The following BMPR1B variants were observed in gnomAD, a reference collection of about 807,000 sequenced individuals.
BMPR1B encodes the protein bone morphogenetic protein receptor type-1B.
BMPR1B carries 12 observed loss-of-function variants against 59.1 expected under a neutral mutation model. The observed-to-expected ratio is 0.20, with a 90% CI of 0.13 to 0.33. The LOEUF is 0.33. Ranked by LOEUF, BMPR1B falls within the 10% of genes least tolerant of loss-of-function variation. The pLI is 1.00. For missense variants in BMPR1B, 550 were observed against 610.9 expected (o/e 0.90, Z 1.05); for synonymous variants, 237 against 207.3 (o/e 1.14, Z -1.23).
intron 8 of BMPR1B, among the ~76,000 whole-genome samples, chr4:95,127,582 T>C (rs1732997645): frequency 2.6e-5 from 4 of 152,118 alleles, no homozygotes; most frequent in Admixed American, 2.6e-4. Flanking sequence ...ATGTGGGAAG[T>C]TTCCTCTCAA....
At chr4:94,798,962 T>C (rs973193040) in intron 1 of BMPR1B, among the ~76,000 whole-genome samples, 7 of 151,894 alleles carry the variant, frequency 4.6e-5, no homozygotes, top group African/African-American at 1.7e-4. Flanking sequence ...CTCAGCAAGA[T>C]ACTTGGCTAA....
chr4:95,154,859 A>C lies in BMPR1B; in HGVS notation c.*186A>C. The stretch of plus-strand genomic sequence containing the variant: ...AAGACAGAGAAGCTCCCAGAAGGAG[A>C]GATTGATCCATGTCTGTTTGTAGGA... On this transcript the variant is annotated 3_prime_UTR_variant, in exon 13 of 13. Coordinates refer to ENST00000515059, the MANE Select transcript of BMPR1B (RefSeq NM_001203.3). 2 of 752,228 alleles carry C rather than the reference A, an allele frequency of 2.7e-6. No homozygotes were observed. Among genetic ancestry groups the C allele is most frequent in the Non-Finnish European group, 4.3e-6 (2 of 464,838 alleles). The allele number at this position is 752,228 out of a possible 1,614,324, so 46.6% of individuals were successfully genotyped here. A position where few individuals can be genotyped will look rare whatever the true frequency, so the allele number is the denominator to read the frequency against.
chr4:94,815,721 C>A (rs1723986174), intron 1 of BMPR1B, among the ~76,000 whole-genome samples: 1 of 152,154 alleles, frequency 6.6e-6, no homozygotes, highest in Admixed American at 6.5e-5. Flanking sequence ...TCCTGATCTG[C>A]AAAGTGTGAT....
chr4:94,888,740 C>G (rs1727278814), intron 2 of BMPR1B, among the ~76,000 whole-genome samples: 1 of 152,010 alleles, frequency 6.6e-6, no homozygotes, highest in Admixed American at 6.6e-5. Flanking sequence ...AGTAACCTGA[C>G]TTTTCTAGGC....
intron 2 of BMPR1B, among the ~76,000 whole-genome samples, chr4:94,944,759 T>C (rs1053929209): frequency 3.9e-5 from 6 of 152,218 alleles, no homozygotes; most frequent in African/African-American, 1.2e-4. Flanking sequence ...AATGAACTTA[T>C]TGCCTTATTG....
intron 1 of BMPR1B, among the ~76,000 whole-genome samples, chr4:94,873,410 C>CTTT (rs35696562): frequency 0.041 from 5,779 of 139,588 alleles, 434 homozygotes; most frequent in African/African-American, 0.14. Flanking sequence ...GCTATGAATT[C>CTTT]TTTTTTTTTT....
intron 11 of BMPR1B, among the ~76,000 whole-genome samples, chr4:95,149,531 A>G (rs758108225): frequency 6.6e-6 from 1 of 152,242 alleles, no homozygotes; most frequent in Non-Finnish European, 1.5e-5. Flanking sequence ...AAGAAGACAT[A>G]TTTAAATATT....
intron 2 of BMPR1B, among the ~76,000 whole-genome samples, chr4:94,888,780 G>A (rs989633047): frequency 6.6e-6 from 1 of 151,890 alleles, no homozygotes; most frequent in African/African-American, 2.4e-5. Context: ...TTTGTTGTAT[G>A]ATTATTTACA....
chr4:94,797,327 A>C (rs1284614634), intron 1 of BMPR1B, among the ~76,000 whole-genome samples: 1 of 152,236 alleles, frequency 6.6e-6, no homozygotes, highest in African/African-American at 2.4e-5. Flanking sequence ...GCCAAACCAT[A>C]TCAATGTGTA....
intron 1 of BMPR1B, among the ~76,000 whole-genome samples, chr4:94,867,741 A>G (rs576782215): frequency 2.6e-5 from 4 of 152,342 alleles, no homozygotes; most frequent in Admixed American, 2.6e-4. Context: ...CCTTGGGAAA[A>G]CATAAGTTTT....
rs929990635 is a variant in BMPR1B, at chr4:94,902,084, T to G, written c.-113+26184T>G. On this transcript the variant is annotated intron_variant, in intron 2 of 12. Coordinates refer to ENST00000515059, the MANE Select transcript of BMPR1B (RefSeq NM_001203.3). ...GTGTGTGTGTGTGTGTGTGTGTGTG[T>G]GTGGGGTGTATTTAAAGGAAACAAC... is the stretch of plus-strand genomic sequence containing the variant. Among the ~76,000 whole-genome samples, 55 of 127,962 alleles carry G rather than the reference T, an allele frequency of 4.3e-4. 1 individual carries two copies. The highest frequency in any genetic ancestry group is 6.3e-4 in the Non-Finnish European group (37 of 59,032). The allele number at this position is 127,962 out of a possible 152,430, so 83.9% of individuals were successfully genotyped here. A position where few individuals can be genotyped will look rare whatever the true frequency, so the allele number is the denominator to read the frequency against.
Position 95,155,887 on chromosome 4 carries a change from T to A in BMPR1B, c.*1214T>A, listed in dbSNP as rs1735388648. On this transcript the variant is annotated 3_prime_UTR_variant, in exon 13 of 13. Transcript: ENST00000515059. ...TTTAAAAATAGAGAAACATAACCTC[T>A]AGATGGGACAGCAGAGGACAGTTAG... is the stretch of plus-strand genomic sequence containing the variant. The A allele has an allele frequency of 6.6e-6, 1 of 152,138 alleles. No individual in the cohort carries two copies. The highest frequency in any genetic ancestry group is 2.4e-5 in the African/African-American group (1 of 41,420). 9.4% of individuals were successfully genotyped at this position (152,138 alleles called of 1,614,324 possible).
At chr4:95,063,419 T>A (rs977631431) in intron 3 of BMPR1B, among the ~76,000 whole-genome samples, 2 of 152,278 alleles carry the variant, frequency 1.3e-5, no homozygotes, top group Middle Eastern at 3.4e-3. Flanking sequence ...GATTATAGCC[T>A]AGGGTAGATC....
chr4:94,842,995 TA>T (rs1725153371), intron 1 of BMPR1B, among the ~76,000 whole-genome samples: 1 of 152,166 alleles, frequency 6.6e-6, no homozygotes, highest in Admixed American at 6.5e-5. Context: ...ACAGGGATCA[TA>T]AAAACTCTTA....
intron 3 of BMPR1B, among the ~76,000 whole-genome samples, chr4:94,996,552 T>A (rs1321753435): frequency 1.3e-5 from 2 of 152,124 alleles, no homozygotes; most frequent in East Asian, 3.9e-4. Context: ...GAAGGTGCAG[T>A]AGTCAGTGTC....
intron 2 of BMPR1B, among the ~76,000 whole-genome samples, chr4:94,977,709 T>C (rs988756115): frequency 2.6e-5 from 4 of 152,140 alleles, no homozygotes; most frequent in African/African-American, 9.6e-5. Flanking sequence ...ATACAAAAAT[T>C]AGCTGGGCAT....
intron 11 of BMPR1B, among the ~76,000 whole-genome samples, chr4:95,149,827 A>G (rs1414919465): frequency 1.3e-5 from 2 of 152,214 alleles, no homozygotes; most frequent in Non-Finnish European, 2.9e-5. Flanking sequence ...TTTATCTGTG[A>G]TGCCTTGGAC....
intron 2 of BMPR1B, among the ~76,000 whole-genome samples, chr4:94,944,429 G>A (rs532594453): frequency 7.4e-4 from 113 of 152,268 alleles, no homozygotes; most frequent in African/African-American, 2.5e-3. Flanking sequence ...AGTGGTAGCA[G>A]ATTTTAAATA....
At chr4:95,029,007 T>G (rs922205172) in intron 3 of BMPR1B, among the ~76,000 whole-genome samples, 1 of 151,032 alleles carries the variant, frequency 6.6e-6, no homozygotes, top group African/African-American at 2.5e-5. Context: ...ATAATTGAAA[T>G]GATCTCTTAT....
Sources: allele counts gnomAD v4.1 joint callset (sites outside exome capture counted in the v4.1 genomes callset), GRCh38; gene constraint gnomAD v4.1.1; transcripts MANE v1.5; gene names NCBI Gene and HGNC (gene_info 2026-07-23, HGNC 2026-07-21).